SIRT1: variants seen among roughly 807,000 people sequenced by gnomAD.
The protein encoded by SIRT1 is sirtuin 1, also known as NAD-dependent protein deacetylase sirtuin-1.
In SIRT1, 24 loss-of-function variants were observed where a neutral mutation model predicts 67.9. The ratio of observed to expected loss-of-function variants is 0.35; its 90% CI spans 0.26 to 0.50. The LOEUF (loss-of-function observed/expected upper bound fraction) is 0.50. SIRT1 is among the 20% of genes least tolerant of loss of function. The pLI is 0.98. For synonymous variants in SIRT1, 378 were observed against 350.7 expected (o/e 1.08, Z -0.87); for missense variants, 873 against 937.2 (o/e 0.93, Z 0.89).
intron 4 of SIRT1, among the ~76,000 whole-genome samples, chr10:67,902,149 C>T (rs35620729): frequency 0.46 from 70,492 of 152,024 alleles, 20,592 homozygotes; most frequent in Non-Finnish European, 0.66. Flanking sequence ...TCTCCACGCC[C>T]GGCTAGTTAT....
At chr10:67,907,042 A>T in intron 5 of SIRT1, 105 bp downstream of exon 5, 1 of 1,018,756 alleles carries the variant, frequency 9.8e-7, no homozygotes, top group Non-Finnish European at 1.4e-6. Context: ...AGCATTATTT[A>T]ATCATGTTAT....
At chr10:67,911,786 C>CCCTCCCTCCTAT (rs1377163497) in intron 7 of SIRT1, among the ~76,000 whole-genome samples, 4 of 119,596 alleles carry the variant, frequency 3.3e-5, no homozygotes, top group African/African-American at 9.1e-5. Flanking sequence ...CACCCTCCCT[C>CCCTCCCTCCTAT]CCTCCCTCCT....
At chr10:67,888,404 G>C (rs1046196326) in intron 2 of SIRT1, among the ~76,000 whole-genome samples, 2 of 152,108 alleles carry the variant, frequency 1.3e-5, no homozygotes, top group Middle Eastern at 3.2e-3. Context: ...AACATTGTAT[G>C]TATTATCTTG....
At position 67,916,521 on chromosome 10, in the gene SIRT1, A is replaced by G. The variant is rs200180864; in HGVS notation, c.2172A>G (p.Gln724=). ...GATTTGGGACTGATGGAGATGATCA[A>G]GAGGCAATTAATGAAGCTATATCTG... ...GAGFGTDGDD[Q]EAINEAISVK... Residue 724 remains glutamine (Q), a synonymous_variant, in exon 9 of 9, where the codon CAA becomes CAG. Coordinates refer to ENST00000212015, the MANE Select transcript of SIRT1 (RefSeq NM_012238.5). 9.3e-6 allele frequency: 15 copies of G among 1,614,096 alleles called. No individual in the cohort carries two copies. Among genetic ancestry groups the G allele is most frequent in the Non-Finnish European group, 1.1e-5 (13 of 1,180,052 alleles).
chr10:67,887,364 AT>A, intron 1 of SIRT1, 52 bp from the exon 2 acceptor site: 2 of 1,128,356 alleles, frequency 1.8e-6, no homozygotes, highest in Non-Finnish European at 2.7e-6. Context: ...CCGTTCATAC[AT>A]TTTAGGTGCA....
At chr10:67,894,381 A>AT (rs1287548054) in intron 4 of SIRT1, among the ~76,000 whole-genome samples, 1 of 152,166 alleles carries the variant, frequency 6.6e-6, no homozygotes, top group East Asian at 1.9e-4. Context: ...ATGTAAAGTT[A>AT]TTTTTTGTTA....
chr10:67,899,164 ATCC>A (rs1842703352), intron 4 of SIRT1, among the ~76,000 whole-genome samples: 1 of 151,942 alleles, frequency 6.6e-6, no homozygotes, highest in Non-Finnish European at 1.5e-5. Context: ...TTGAAATAAA[ATCC>A]TCTATTAGGG....
chr10:67,888,746 G>A, intron 2 of SIRT1, 136 bp from the exon 3 acceptor site: 2 of 937,200 alleles, frequency 2.1e-6, no homozygotes, highest in South Asian at 1.8e-5. Flanking sequence ...AGTGTACCGA[G>A]AATGAAATAC....
chr10:67,895,241 A>G (rs978220133), intron 4 of SIRT1, among the ~76,000 whole-genome samples: 8 of 152,034 alleles, frequency 5.3e-5, no homozygotes, highest in Non-Finnish European at 1.0e-4. Flanking sequence ...CCAACACAGC[A>G]ATACCCCGTC....
At position 67,893,444 on chromosome 10, in the gene SIRT1, A is replaced by G. The variant is rs377626088; in HGVS notation, c.942+1890A>G. On this transcript the variant is annotated intron_variant, in intron 4 of 8. Coordinates refer to ENST00000212015, the MANE Select transcript of SIRT1 (RefSeq NM_012238.5). ...TAGTTTGCTGAGGATGATGGCTTCCAGCGAAGGAGTCTTGTATTAGTGGCT... is the reference window on the plus strand; with the variant it reads ...TAGTTTGCTGAGGATGATGGCTTCCGGCGAAGGAGTCTTGTATTAGTGGCT... 2.8e-4 allele frequency among the ~76,000 whole-genome samples: 43 copies of G among 152,122 alleles called. 1 individual carries two copies. In the East Asian group the frequency reaches 8.1e-3, roughly 29 times the overall value.
intron 4 of SIRT1, among the ~76,000 whole-genome samples, chr10:67,892,790 CAG>C (rs1343763543): frequency 5.9e-5 from 9 of 152,058 alleles, no homozygotes; most frequent in Non-Finnish European, 1.0e-4. Flanking sequence ...TTAGTAGAGA[CAG>C]GGTTTCACCA....
chr10:67,912,390 A>AT, intron 7 of SIRT1, 84 bp from the exon 8 acceptor site: 1 of 1,272,004 alleles, frequency 7.9e-7, no homozygotes, highest in Non-Finnish European at 1.1e-6. Context: ...CCCTTGTTGG[A>AT]TTTTTGCATA....
At position 67,916,985 on chromosome 10, in the gene SIRT1, C is replaced by T. The variant is rs1383070748; in HGVS notation, c.*392C>T. The T allele has an allele frequency of 1.3e-5, 2 of 153,988 alleles. No individual in the cohort carries two copies. Among genetic ancestry groups the T allele is most frequent in the African/African-American group, 4.8e-5 (2 of 41,454 alleles). The allele number at this position is 153,988 out of a possible 1,614,324, so 9.5% of individuals were successfully genotyped here. ...GAATGTTAAATTAATGTAAAGGGAACAGCTAATCTAGACCAAAGAATGGTA... is the reference window on the plus strand; with the variant it reads ...GAATGTTAAATTAATGTAAAGGGAATAGCTAATCTAGACCAAAGAATGGTA... On this transcript the variant is annotated 3_prime_UTR_variant, in exon 9 of 9. Coordinates refer to ENST00000212015, the MANE Select transcript of SIRT1 (RefSeq NM_012238.5).
rs1326876441 is a variant in SIRT1, at chr10:67,899,152, G to A, written c.942+7598G>A. ...GTTTTGTCGTATTGCAGCTTGGAAA[G>A]GTTGAAATAAAATCCTCTATTAGGG... On this transcript the variant is annotated intron_variant, in intron 4 of 8. Coordinates refer to ENST00000212015, the MANE Select transcript of SIRT1 (RefSeq NM_012238.5). Among the ~76,000 whole-genome samples, 3 of 151,900 alleles carry A rather than the reference G, an allele frequency of 2.0e-5. No homozygotes were observed. The East Asian group carries it at 5.8e-4, about 29-fold the overall frequency.
intron 4 of SIRT1, among the ~76,000 whole-genome samples, chr10:67,893,863 T>G (rs958003400): frequency 1.1e-4 from 16 of 152,204 alleles, no homozygotes; most frequent in Non-Finnish European, 2.9e-5. Flanking sequence ...GAACCTAAAT[T>G]TTAACTAAAC....
intron 3 of SIRT1, among the ~76,000 whole-genome samples, chr10:67,890,188 T>G (rs1842547294): frequency 6.6e-6 from 1 of 151,966 alleles, no homozygotes; most frequent in South Asian, 2.1e-4. Flanking sequence ...CCTGAGTAGC[T>G]GGGATTACAG....
intron 8 of SIRT1, 73 bp downstream of exon 8, chr10:67,913,104 G>A: frequency 6.8e-7 from 1 of 1,462,094 alleles, no homozygotes; most frequent in South Asian, 1.4e-5. Flanking sequence ...AGCTATTTCG[G>A]CAGGTTAATC....
intron 7 of SIRT1, among the ~76,000 whole-genome samples, chr10:67,911,180 A>G (rs564332037): frequency 1.3e-5 from 2 of 152,234 alleles, no homozygotes; most frequent in East Asian, 3.9e-4. Context: ...AATCAAAGGC[A>G]CTCTGCTTAA....
intron 8 of SIRT1, among the ~76,000 whole-genome samples, chr10:67,914,888 T>G (rs1055694243): frequency 1.3e-5 from 2 of 151,500 alleles, no homozygotes; most frequent in Non-Finnish European, 2.9e-5. Flanking sequence ...TATTTTTTTT[T>G]TTTTTTTTTT....
Sources: allele counts gnomAD v4.1 joint callset (sites outside exome capture counted in the v4.1 genomes callset), GRCh38; gene constraint gnomAD v4.1.1; transcripts MANE v1.5; gene names NCBI Gene and HGNC (gene_info 2026-07-23, HGNC 2026-07-21).